The following MRPS27 variants were observed in gnomAD, a reference collection of about 807,000 sequenced individuals.
The protein encoded by MRPS27 is mitochondrial ribosomal protein S27.
Under a neutral mutation model 48.9 loss-of-function variants are expected in MRPS27, and 43 were observed. The ratio of observed to expected loss-of-function variants is 0.88; its 90% CI spans 0.69 to 1.13. The LOEUF (loss-of-function observed/expected upper bound fraction) is 1.13, where lower values mean the gene tolerates loss of function less well. MRPS27 is among the 50% of genes most tolerant of loss of function. MRPS27 has a pLI of 0.00. For synonymous variants in MRPS27, 188 were observed against 171.9 expected, an observed-to-expected ratio of 1.09 and a Z score of -0.73; for missense variants, 467 against 476.3, an observed-to-expected ratio of 0.98 and a Z score of 0.18.
intron 4 of MRPS27, among the ~76,000 whole-genome samples, chr5:72,261,373 T>C (rs1039264092): frequency 1.2e-4 from 18 of 152,264 alleles, no homozygotes; most frequent in African/African-American, 4.1e-4. Flanking sequence ...TGCCTCAGCC[T>C]CCCGAGTGGC....
chr5:72,276,218 C>T (rs953548117), intron 4 of MRPS27, among the ~76,000 whole-genome samples: 1 of 152,142 alleles, frequency 6.6e-6, no homozygotes, highest in Non-Finnish European at 1.5e-5. Context: ...AAAACAGACA[C>T]ATAGACCAAT....
intron 4 of MRPS27, among the ~76,000 whole-genome samples, chr5:72,283,562 T>A (rs1156934932): frequency 1.3e-5 from 2 of 152,138 alleles, no homozygotes; most frequent in Non-Finnish European, 2.9e-5. Flanking sequence ...TCAGAGGTCA[T>A]CTGGTCTAAA....
intron 4 of MRPS27, among the ~76,000 whole-genome samples, chr5:72,251,463 G>A (rs1748663042): frequency 6.6e-6 from 1 of 152,186 alleles, no homozygotes. Flanking sequence ...ACCTAAGGAG[G>A]AGTCAATTTA....
chr5:72,288,854 A>G (rs1344136236), intron 4 of MRPS27: 1 of 152,238 alleles, frequency 6.6e-6, no homozygotes, highest in African/African-American at 2.4e-5. Context: ...ACGCCCTCAA[A>G]GGAAAATTAC....
At chr5:72,227,671 G>C (rs62363247) in intron 8 of MRPS27, 1 of 152,250 alleles carries the variant, frequency 6.6e-6, no homozygotes, top group Admixed American at 6.5e-5. Flanking sequence ...CCCAGGTTCC[G>C]AGGCCACTCT....
rs75413182 is a variant in MRPS27, at chr5:72,240,870, C to T, written c.282-2742G>A. Among the ~76,000 whole-genome samples the T allele has an allele frequency of 3.7e-3, 563 of 152,310 alleles. 1 individual carries two copies. The highest frequency in any genetic ancestry group is 0.013 in the African/African-American group (547 of 41,560). On this transcript the variant is annotated intron_variant, in intron 4 of 10. Coordinates refer to ENST00000261413, the MANE Select transcript of MRPS27 (RefSeq NM_015084.3). ...TACTCAAGACTTCACACATCGAATA[C>T]AATCATCTCTGCACAGCAGCCTTTT...
At chr5:72,306,936 T>C (rs1750285288) in intron 2 of MRPS27, among the ~76,000 whole-genome samples, 1 of 152,214 alleles carries the variant, frequency 6.6e-6, no homozygotes, top group Admixed American at 6.5e-5. Flanking sequence ...TCTCTACTTC[T>C]GTATGTTTCT....
chr5:72,249,824 A>G (rs937068956), intron 4 of MRPS27, among the ~76,000 whole-genome samples: 3 of 151,926 alleles, frequency 2.0e-5, no homozygotes, highest in African/African-American at 7.3e-5. Flanking sequence ...TACTAAAACA[A>G]TACAAAGAAA....
chr5:72,273,271 C>T (rs1032947586), intron 4 of MRPS27, among the ~76,000 whole-genome samples: 7 of 152,048 alleles, frequency 4.6e-5, no homozygotes, highest in Non-Finnish European at 7.4e-5. Context: ...CGGGATTTTT[C>T]GAGAAAGTGA....
chr5:72,280,799 T>C (rs1040798594), intron 4 of MRPS27, among the ~76,000 whole-genome samples: 8 of 152,256 alleles, frequency 5.3e-5, no homozygotes, highest in East Asian at 1.9e-4. Context: ...AGATCAGTTA[T>C]GGTGCAGTTT....
chr5:72,259,098 A>G (rs1429189291), intron 4 of MRPS27, among the ~76,000 whole-genome samples: 2 of 152,044 alleles, frequency 1.3e-5, no homozygotes, highest in Non-Finnish European at 2.9e-5. Context: ...ATCACCCCCC[A>G]TCCAGAAAAC....
At chr5:72,243,650 T>C (rs919580254) in intron 4 of MRPS27, among the ~76,000 whole-genome samples, 9 of 152,200 alleles carry the variant, frequency 5.9e-5, no homozygotes, top group African/African-American at 2.2e-4. Context: ...CACCAGGTGC[T>C]AGAGTCCCCT....
chr5:72,304,397 T>C (rs1490558946), intron 2 of MRPS27, among the ~76,000 whole-genome samples: 1 of 152,146 alleles, frequency 6.6e-6, no homozygotes, highest in East Asian at 1.9e-4. Flanking sequence ...AATTTTCTAG[T>C]TAAAAGATAA....
At chr5:72,241,819 G>A (rs1748358669) in intron 4 of MRPS27, 1 of 801,400 alleles carries the variant, frequency 1.2e-6, no homozygotes, top group South Asian at 1.6e-5. Context: ...AGCCACTGTA[G>A]GAGTCCCCTC....
chr5:72,265,449 A>G (rs773286557), intron 4 of MRPS27, among the ~76,000 whole-genome samples: 2 of 152,256 alleles, frequency 1.3e-5, no homozygotes, highest in African/African-American at 4.8e-5. Flanking sequence ...GTTGGGCAAC[A>G]CTGAATGATC....
At chr5:72,308,228 G>A (rs1436532604) in intron 2 of MRPS27, among the ~76,000 whole-genome samples, 2 of 152,210 alleles carry the variant, frequency 1.3e-5, no homozygotes, top group Non-Finnish European at 1.5e-5. Flanking sequence ...AAGAGAGGGG[G>A]CACCGGAACC....
Position 72,232,558 on chromosome 5 carries a change from T to C in MRPS27, c.476A>G (p.Asp159Gly). 1.3e-6 allele frequency: 2 copies of C among 1,598,808 alleles called. No homozygotes were observed. The highest frequency in any genetic ancestry group is 1.7e-6 in the Non-Finnish European group (2 of 1,172,220). Residue 159 changes from aspartate to glycine, a missense_variant and splice_region_variant, in exon 7 of 11, where the codon GAT becomes GGT. Transcript: ENST00000261413. ...DSFIKKENYK[D>G]ALSVVFEVMM... is the part of the protein sequence containing the mutation. ...GACCTCAAAAACCACAGATAAAGCA[T>C]CTAGCAGAAGATGAAAGTAAAAAAG...
intron 2 of MRPS27, among the ~76,000 whole-genome samples, chr5:72,311,539 G>T (rs112784787): frequency 0.02 from 3,052 of 152,268 alleles, 46 homozygotes; most frequent in Non-Finnish European, 0.033. Flanking sequence ...TGGGTTAATG[G>T]ATTGATGGGT....
At chr5:72,283,797 CT>C (rs1749592851) in intron 4 of MRPS27, among the ~76,000 whole-genome samples, 1 of 151,726 alleles carries the variant, frequency 6.6e-6, no homozygotes, top group South Asian at 2.1e-4. Context: ...CAATTCAATA[CT>C]TCTATCATGT....
Sources: allele counts gnomAD v4.1 joint callset (sites outside exome capture counted in the v4.1 genomes callset), GRCh38; gene constraint gnomAD v4.1.1; transcripts MANE v1.5; gene names NCBI Gene and HGNC (gene_info 2026-07-23, HGNC 2026-07-21).